DLGAP2: variants seen among roughly 807,000 people sequenced by gnomAD.
The protein encoded by DLGAP2 is disks large-associated protein 2.
DLGAP2 carries 26 observed loss-of-function variants against 100.3 expected under a neutral mutation model. The observed-to-expected ratio is 0.26, with a 90% CI of 0.19 to 0.36. DLGAP2 has a LOEUF of 0.36. DLGAP2 is among the 10% of genes least tolerant of loss of function. DLGAP2 has a pLI of 1.00. For missense variants in DLGAP2, 1,858 were observed against 1,453.2 expected (o/e 1.28, Z -4.53); for synonymous variants, 886 against 630.1 (o/e 1.41, Z -6.08).
At chr8:864,437 C>G (rs912495237) in intron 1 of DLGAP2, among the ~76,000 whole-genome samples, 8 of 152,202 alleles carry the variant, frequency 5.3e-5, no homozygotes, top group Admixed American at 5.2e-4. Context: ...GAACATCTCA[C>G]TGTGCCCCAT....
chr8:765,588 C>G (rs1821189260), intron 1 of DLGAP2, among the ~76,000 whole-genome samples: 1 of 152,044 alleles, frequency 6.6e-6, no homozygotes, highest in African/African-American at 2.4e-5. Context: ...AAACAGCACC[C>G]CAAAATGGTC....
chr8:1,341,250 G>T (rs956876407), intron 3 of DLGAP2, among the ~76,000 whole-genome samples: 1 of 152,146 alleles, frequency 6.6e-6, no homozygotes, highest in African/African-American at 2.4e-5. Context: ...TAAAAAATGA[G>T]ATACATATCA....
At chr8:1,411,084 C>T (rs539703763) in intron 3 of DLGAP2, among the ~76,000 whole-genome samples, 34 of 152,244 alleles carry the variant, frequency 2.2e-4, no homozygotes, top group African/African-American at 7.0e-4. Flanking sequence ...TACCTGCATA[C>T]GCCAGTTGTT....
At chr8:794,047 T>A (rs1447791319) in intron 1 of DLGAP2, among the ~76,000 whole-genome samples, 1 of 151,540 alleles carries the variant, frequency 6.6e-6, no homozygotes, top group East Asian at 1.9e-4. Flanking sequence ...GTGGCGTGAG[T>A]GAGGTTGGGA....
chr8:836,553 G>A (rs7459616), intron 1 of DLGAP2, among the ~76,000 whole-genome samples: 1 of 152,022 alleles, frequency 6.6e-6, no homozygotes, highest in African/African-American at 2.4e-5. Flanking sequence ...AGGTTCTGCC[G>A]GGGTGACCCT....
At chr8:1,070,381 A>T (rs1231455565) in intron 2 of DLGAP2, among the ~76,000 whole-genome samples, 1 of 152,096 alleles carries the variant, frequency 6.6e-6, no homozygotes, top group East Asian at 1.9e-4. Context: ...TGGCCCAATA[A>T]ATCTCGTGGT....
chr8:1,364,511 T>TCAGGGGAGGGGGGGGGGGGGGG (rs1802063557), intron 3 of DLGAP2, among the ~76,000 whole-genome samples: 1 of 146,660 alleles, frequency 6.8e-6, no homozygotes, highest in African/African-American at 2.6e-5. Context: ...GCGGGGGGGG[T>TCAGGGGAGGGGGGGGGGGGGGG]GCAGCGAAGC....
At chr8:1,232,504 C>G (rs570382345) in intron 2 of DLGAP2, among the ~76,000 whole-genome samples, 1 of 152,242 alleles carries the variant, frequency 6.6e-6, no homozygotes, top group Non-Finnish European at 1.5e-5. Flanking sequence ...CTCACGTCAA[C>G]TCCTTTCCTC....
intron 4 of DLGAP2, among the ~76,000 whole-genome samples, chr8:1,508,279 C>T (rs1466655336): frequency 1.7e-5 from 2 of 118,990 alleles, no homozygotes; most frequent in Non-Finnish European, 3.7e-5. Context: ...CCCTGCCATA[C>T]CCCGCAAACC....
intron 2 of DLGAP2, among the ~76,000 whole-genome samples, chr8:999,089 A>C (rs1800868150): frequency 6.6e-6 from 1 of 152,126 alleles, no homozygotes; most frequent in African/African-American, 2.4e-5. Context: ...TGTTCTTAAA[A>C]ATATGTATTT....
intron 6 of DLGAP2, among the ~76,000 whole-genome samples, chr8:1,597,468 A>G (rs1796495692): frequency 6.6e-6 from 1 of 151,514 alleles, no homozygotes. Flanking sequence ...CAGTATGGCC[A>G]TTTTCACAAT....
At chr8:1,142,580 A>G (rs1250000324) in intron 2 of DLGAP2, among the ~76,000 whole-genome samples, 1 of 152,210 alleles carries the variant, frequency 6.6e-6, no homozygotes, top group Non-Finnish European at 1.5e-5. Context: ...TGAAAAGGGC[A>G]GGTCTCAATT....
At chr8:1,342,968 G>T (rs1801453037) in intron 3 of DLGAP2, among the ~76,000 whole-genome samples, 1 of 152,226 alleles carries the variant, frequency 6.6e-6, no homozygotes, top group Admixed American at 6.5e-5. Context: ...TCTGGCACAT[G>T]GTCGTGCATG....
At position 843,670 on chromosome 8, in the gene DLGAP2, C is replaced by G. The variant is rs532914911; in HGVS notation, c.19-64242C>G. 1.9e-3 allele frequency among the ~76,000 whole-genome samples: 296 copies of G among 152,306 alleles called. 1 individual carries two copies. Among genetic ancestry groups the G allele is most frequent in the Non-Finnish European group, 3.0e-3 (204 of 68,030 alleles). On this transcript the variant is annotated intron_variant, in intron 1 of 14. Transcript: ENST00000637795. ...GTAAATGGTTTTTGGGTTTTGCTAT[C>G]TTGTTGCTTTGTGTGATGTGATGTG... is the stretch of plus-strand genomic sequence containing the variant.
chr8:1,453,516 T>G (rs1798220285), intron 3 of DLGAP2, among the ~76,000 whole-genome samples: 1 of 152,106 alleles, frequency 6.6e-6, no homozygotes, highest in Non-Finnish European at 1.5e-5. Flanking sequence ...CATTATGTAT[T>G]CTGAGTGAAA....
At chr8:794,354 G>T (rs550008757) in intron 1 of DLGAP2, among the ~76,000 whole-genome samples, 2 of 152,144 alleles carry the variant, frequency 1.3e-5, no homozygotes, top group Admixed American at 1.3e-4. Context: ...GAGGTGTGAG[G>T]TGGGAAATCA....
intron 1 of DLGAP2, among the ~76,000 whole-genome samples, chr8:856,534 G>A (rs1245777413): frequency 1.3e-5 from 2 of 152,172 alleles, no homozygotes; most frequent in Admixed American, 6.5e-5. Flanking sequence ...CAGGGTTTTA[G>A]AATACAGGGT....
At chr8:778,500 A>C (rs1821590840) in intron 1 of DLGAP2, among the ~76,000 whole-genome samples, 1 of 152,078 alleles carries the variant, frequency 6.6e-6, no homozygotes, top group Non-Finnish European at 1.5e-5. Flanking sequence ...GTCTTTGATG[A>C]TGGTGATATA....
chr8:794,310 C>G (rs1795981759), intron 1 of DLGAP2, among the ~76,000 whole-genome samples: 1 of 151,952 alleles, frequency 6.6e-6, no homozygotes, highest in Non-Finnish European at 1.5e-5. Context: ...CCCAGTGGTG[C>G]TAGAGGAATT....
Sources: allele counts gnomAD v4.1 joint callset (sites outside exome capture counted in the v4.1 genomes callset), GRCh38; gene constraint gnomAD v4.1.1; transcripts MANE v1.5; gene names NCBI Gene and HGNC (gene_info 2026-07-23, HGNC 2026-07-21).